The following HCN1 variants were observed in gnomAD, a reference collection of about 807,000 sequenced individuals.
HCN1 encodes hyperpolarization activated cyclic nucleotide gated potassium channel 1, also known as potassium/sodium hyperpolarization-activated cyclic nucleotide-gated channel 1.
HCN1 carries 13 observed loss-of-function variants against 78.9 expected under a neutral mutation model. The ratio of observed to expected loss-of-function variants is 0.16; its 90% CI spans 0.11 to 0.26. The LOEUF (loss-of-function observed/expected upper bound fraction) is 0.26. Among genes scored for constraint, HCN1 ranks in the 10% least tolerant of loss-of-function variants. The pLI, the probability that HCN1 is intolerant of heterozygous loss-of-function variation, is 1.00. For synonymous variants in HCN1, 552 were observed against 455.5 expected, an observed-to-expected ratio of 1.21 and a Z score of -2.70; for missense variants, 810 against 1,154.3, an observed-to-expected ratio of 0.70 and a Z score of 4.32.
At chr5:45,500,297 G>C (rs948473327) in intron 2 of HCN1, among the ~76,000 whole-genome samples, 7 of 152,156 alleles carry the variant, frequency 4.6e-5, no homozygotes, top group Non-Finnish European at 7.4e-5. Context: ...GGTGGATTTT[G>C]ACAGTACAAA....
chr5:45,503,992 G>A (rs1435513770), intron 2 of HCN1, among the ~76,000 whole-genome samples: 1 of 151,986 alleles, frequency 6.6e-6, no homozygotes, highest in Non-Finnish European at 1.5e-5. Flanking sequence ...CACCATGTTG[G>A]TCAGACTGGT....
In HCN1 at chr5:45,318,554, T is replaced by C. The variant is rs1229121946; in HGVS notation, c.1378-14715A>G. 2.0e-5 allele frequency among the ~76,000 whole-genome samples: 3 copies of C among 150,990 alleles called. No individual in the cohort carries two copies. In the East Asian group the frequency reaches 5.8e-4, roughly 29 times the overall value. Reference sequence around the variant, plus strand: ...TTGTGCACATGTACCCTAGAACTTGTATAATAAAAAGAAAAAATATTATTT... The same window carrying C: ...TTGTGCACATGTACCCTAGAACTTGCATAATAAAAAGAAAAAATATTATTT... On this transcript the variant is annotated intron_variant, in intron 5 of 7. Transcript: ENST00000303230.
At chr5:45,398,713 T>A (rs570191921) in intron 3 of HCN1, among the ~76,000 whole-genome samples, 1 of 152,340 alleles carries the variant, frequency 6.6e-6, no homozygotes, top group South Asian at 2.1e-4. Flanking sequence ...TGTATTGCTA[T>A]ATTTTTAGTT....
rs573602834 is a variant in HCN1 at position 45,512,658 on chromosome 5, C to G, written c.850-50651G>C. Among the ~76,000 whole-genome samples the G allele has an allele frequency of 8.2e-4, 124 of 151,800 alleles. 2 individuals are homozygous for G. Among genetic ancestry groups the G allele is most frequent in the South Asian group, 2.1e-3 (10 of 4,816 alleles). On this transcript the variant is annotated intron_variant, in intron 2 of 7. Coordinates refer to ENST00000303230, the MANE Select transcript of HCN1 (RefSeq NM_021072.4). ...AAAATATTACTCTAGAGGACAATGCCCAGGTCATGGTGTGGCACTGAATTC... is the reference window on the plus strand; with the variant it reads ...AAAATATTACTCTAGAGGACAATGCGCAGGTCATGGTGTGGCACTGAATTC...
chr5:45,661,779 C>A (rs1241484659), intron 1 of HCN1, among the ~76,000 whole-genome samples: 2 of 39,172 alleles, frequency 5.1e-5, no homozygotes, highest in Admixed American at 6.5e-4. Flanking sequence ...TCTGAATAGA[C>A]CAATAACAGG....
chr5:45,323,674 C>T (rs1377966491), intron 5 of HCN1, among the ~76,000 whole-genome samples: 2 of 151,904 alleles, frequency 1.3e-5, no homozygotes. Flanking sequence ...ATTAACTCGT[C>T]ATTTAGCATT....
intron 4 of HCN1, among the ~76,000 whole-genome samples, chr5:45,368,901 T>C (rs1747293337): frequency 6.6e-6 from 1 of 152,042 alleles, no homozygotes; most frequent in East Asian, 1.9e-4. Flanking sequence ...TAAGTGAACA[T>C]TTTCGTGAGA....
At chr5:45,586,047 G>A (rs753292252) in intron 2 of HCN1, among the ~76,000 whole-genome samples, 51 of 152,132 alleles carry the variant, frequency 3.4e-4, no homozygotes, top group Non-Finnish European at 5.1e-4. Context: ...TACTCTCTTC[G>A]AAGCTGTCAG....
At chr5:45,623,226 G>T (rs994632326) in intron 2 of HCN1, among the ~76,000 whole-genome samples, 3 of 152,102 alleles carry the variant, frequency 2.0e-5, no homozygotes, top group Non-Finnish European at 2.9e-5. Context: ...GAGGAGAACT[G>T]TGTCTTTCTC....
At chr5:45,375,364 TATA>T (rs1276280491) in intron 4 of HCN1, among the ~76,000 whole-genome samples, 4 of 126,070 alleles carry the variant, frequency 3.2e-5, no homozygotes, top group East Asian at 2.2e-4. Context: ...TATTTTATGA[TATA>T]CAATATATAT....
intron 1 of HCN1, among the ~76,000 whole-genome samples, chr5:45,657,735 A>C (rs908114008): frequency 3.9e-4 from 59 of 152,318 alleles, no homozygotes; most frequent in African/African-American, 1.4e-3. Context: ...TCAATGAAAT[A>C]AAAGAGGATA....
At chr5:45,325,307 C>A (rs1414727446) in intron 5 of HCN1, among the ~76,000 whole-genome samples, 1 of 151,706 alleles carries the variant, frequency 6.6e-6, no homozygotes, top group Non-Finnish European at 1.5e-5. Context: ...ATTAATAAAA[C>A]ACTCCAAGTC....
intron 2 of HCN1, among the ~76,000 whole-genome samples, chr5:45,596,935 T>C (rs1229498597): frequency 6.6e-6 from 1 of 152,116 alleles, no homozygotes; most frequent in African/African-American, 2.4e-5. Flanking sequence ...AAATAAACAG[T>C]ACATTTATCT....
At chr5:45,474,333 G>T (rs1044928683) in intron 2 of HCN1, among the ~76,000 whole-genome samples, 2 of 151,794 alleles carry the variant, frequency 1.3e-5, no homozygotes, top group African/African-American at 4.8e-5. Flanking sequence ...GATAATGCTA[G>T]ACTTACTCAG....
chr5:45,426,491 A>G (rs1218889556), intron 3 of HCN1, among the ~76,000 whole-genome samples: 1 of 152,212 alleles, frequency 6.6e-6, no homozygotes, highest in Non-Finnish European at 1.5e-5. Flanking sequence ...ATGATCGTGA[A>G]TAAGTCTCAT....
chr5:45,373,169 T>A (rs1161917852), intron 4 of HCN1, among the ~76,000 whole-genome samples: 1 of 124,116 alleles, frequency 8.1e-6, no homozygotes, highest in African/African-American at 3.1e-5. Flanking sequence ...ATATGTACTT[T>A]ATAAAATATA....
chr5:45,312,270 TATACAAGAATGAAACAGCATA>T (rs1355952166), intron 5 of HCN1, among the ~76,000 whole-genome samples: 4 of 152,220 alleles, frequency 2.6e-5, no homozygotes, highest in Non-Finnish European at 5.9e-5. Context: ...TTATATATTA[TATACAAGAATGAAACAGCATA>T]ATACAAGAAT....
chr5:45,374,587 G>A (rs970374707), intron 4 of HCN1, among the ~76,000 whole-genome samples: 1 of 149,976 alleles, frequency 6.7e-6, no homozygotes, highest in African/African-American at 2.4e-5. Context: ...AGTGCTGGTA[G>A]CATTTCTACT....
chr5:45,624,186 A>G (rs1745120263), intron 2 of HCN1, among the ~76,000 whole-genome samples: 1 of 152,208 alleles, frequency 6.6e-6, no homozygotes, highest in African/African-American at 2.4e-5. Flanking sequence ...AGATGCTATG[A>G]TTTGGCTTAG....
Sources: allele counts gnomAD v4.1 joint callset (sites outside exome capture counted in the v4.1 genomes callset), GRCh38; gene constraint gnomAD v4.1.1; transcripts MANE v1.5; gene names NCBI Gene and HGNC (gene_info 2026-07-23, HGNC 2026-07-21).